STX16: variants seen among roughly 807,000 people sequenced by gnomAD.
STX16 encodes the protein syntaxin 16.
Under a neutral mutation model 42.7 loss-of-function variants are expected in STX16, and 28 were observed. That is an observed-to-expected ratio of 0.66 (90% CI 0.49 to 0.90). STX16 has a LOEUF of 0.90. STX16 is among the 40% of genes least tolerant of loss of function. STX16 has a pLI of 0.00. For synonymous variants in STX16, 156 were observed against 155.2 expected (o/e 1.00, Z -0.04); for missense variants, 361 against 420.9 (o/e 0.86, Z 1.24).
chr20:58,670,508 A>G lies in STX16; in HGVS notation c.557-4A>G. 6.2e-7 allele frequency: 1 copy of G among 1,612,268 alleles called. No individual in the cohort carries two copies. The highest frequency in any genetic ancestry group is 8.5e-7 in the Non-Finnish European group (1 of 1,178,330). ...CAAGTAAAATGAATTCCTATCTGTG[A>G]TAGGCATGAAGAATCGAGAGGAAAG... On this transcript the variant is annotated splice_polypyrimidine_tract_variant and splice_region_variant and intron_variant, in intron 5 of 8. Transcript: ENST00000371141.
At chr20:58,662,670 G>T (rs150887721) in intron 2 of STX16, among the ~76,000 whole-genome samples, 1 of 151,892 alleles carries the variant, frequency 6.6e-6, no homozygotes, top group African/African-American at 2.4e-5. Flanking sequence ...GCCACCATGC[G>T]TGGCTATTTT....
chr20:58,676,442 C>T lies in STX16; in HGVS notation c.*151C>T. Reference sequence around the variant, plus strand: ...CCTTTGCATCCACGGACTCCTCCTTCCCTAGTCCTGCTCAAGCGGTCCGGG... The same window carrying T: ...CCTTTGCATCCACGGACTCCTCCTTTCCTAGTCCTGCTCAAGCGGTCCGGG... On this transcript the variant is annotated 3_prime_UTR_variant, in exon 9 of 9. Coordinates refer to ENST00000371141, the MANE Select transcript of STX16 (RefSeq NM_001001433.3). The T allele has an allele frequency of 1.5e-6, 1 of 662,270 alleles. No homozygotes were observed. The highest frequency in any genetic ancestry group is 2.7e-6 in the Non-Finnish European group (1 of 371,980). The allele number at this position is 662,270 out of a possible 1,614,324, so 41.0% of individuals were successfully genotyped here.
At position 58,651,767 on chromosome 20, in the gene STX16, G is replaced by A. The variant is rs987357656; in HGVS notation, c.-240G>A. On this transcript the variant is annotated 5_prime_UTR_variant, in exon 1 of 9. Coordinates refer to ENST00000371141, the MANE Select transcript of STX16 (RefSeq NM_001001433.3). ...GATTGGGGGGATTCAAGTGCTTAGA[G>A]ATCGAAGTCTGCCCTGGGTAGGGGG... The A allele has an allele frequency of 8.5e-6, 4 of 470,076 alleles. No individual in the cohort carries two copies. Among genetic ancestry groups the A allele is most frequent in the Non-Finnish European group, 1.2e-5 (3 of 257,464 alleles). 29.1% of individuals were successfully genotyped at this position (470,076 alleles called of 1,614,324 possible). A position where few individuals can be genotyped will look rare whatever the true frequency, so the allele number is the denominator to read the frequency against.
chr20:58,672,255 C>T (rs2083997638), intron 7 of STX16, among the ~76,000 whole-genome samples: 1 of 152,034 alleles, frequency 6.6e-6, no homozygotes, highest in Non-Finnish European at 1.5e-5. Flanking sequence ...TCGCTTGAAC[C>T]TGGGAGGTAG....
In STX16 at chr20:58,651,898, G is replaced by A. The variant is rs2083464178; in HGVS notation, c.-109G>A. 7.8e-7 allele frequency: 1 copy of A among 1,275,094 alleles called. No individual in the cohort carries two copies. The highest frequency in any genetic ancestry group is 1.1e-6 in the Non-Finnish European group (1 of 901,740). 79.0% of individuals were successfully genotyped at this position (1,275,094 alleles called of 1,614,324 possible). A position where few individuals can be genotyped will look rare whatever the true frequency, so the allele number is the denominator to read the frequency against. On this transcript the variant is annotated 5_prime_UTR_variant, in exon 1 of 9. Transcript: ENST00000371141. ...GGCTTGAGGCCTGAGGCCTTGTCGA[G>A]AAGCTTCCGTGAAAGGGTGGGCCAG...
intron 1 of STX16, among the ~76,000 whole-genome samples, chr20:58,659,042 G>A (rs180692208): frequency 5.6e-4 from 85 of 152,212 alleles, no homozygotes; most frequent in African/African-American, 2.0e-3. Context: ...GGATGAAGCC[G>A]TGTCTGCGGG....
chr20:58,652,552 C>T (rs1200943495), intron 1 of STX16, among the ~76,000 whole-genome samples: 2 of 151,488 alleles, frequency 1.3e-5, no homozygotes, highest in African/African-American at 4.8e-5. Flanking sequence ...GCTGGGTCGC[C>T]GGATCGTAGA....
At position 58,678,154 on chromosome 20, in the gene STX16, C is replaced by A. The variant is rs141875151; in HGVS notation, c.*1863C>A. 9.3e-3 allele frequency: 1,411 copies of A among 152,338 alleles called. 8 individuals are homozygous for A. The highest frequency in any genetic ancestry group is 0.014 in the Non-Finnish European group (943 of 68,050). The allele number at this position is 152,338 out of a possible 1,614,324, so 9.4% of individuals were successfully genotyped here. On this transcript the variant is annotated 3_prime_UTR_variant, in exon 9 of 9. Coordinates refer to ENST00000371141, the MANE Select transcript of STX16 (RefSeq NM_001001433.3). ...GTGTGGGGCTGTCCACATTAGGGAACTTGCCTCAAAAACAGTCCACAGTGG... is the reference window on the plus strand; with the variant it reads ...GTGTGGGGCTGTCCACATTAGGGAAATTGCCTCAAAAACAGTCCACAGTGG...
At chr20:58,662,661 C>T (rs1221640942) in intron 2 of STX16, among the ~76,000 whole-genome samples, 1 of 152,100 alleles carries the variant, frequency 6.6e-6, no homozygotes, top group Non-Finnish European at 1.5e-5. Flanking sequence ...CAGGTGCGTG[C>T]CACCATGCGT....
Position 58,652,097 on chromosome 20 carries a change from C to CCT in STX16, c.91_92insCT (p.His31ProfsTer33). 6.2e-7 allele frequency: 1 copy of CCT among 1,614,190 alleles called. No homozygotes were observed. Among genetic ancestry groups the CCT allele is most frequent in the Non-Finnish European group, 8.5e-7 (1 of 1,180,036 alleles). ...GCTGTTAGCCGAGCAAGTGAGTAGT[C>CCT]ACATCACCTCCAGCCCTCTGCATTC... On this transcript the variant is annotated frameshift_variant, in exon 1 of 9. Transcript: ENST00000371141. LOFTEE classifies it high-confidence loss of function.
At chr20:58,666,028 T>G (rs1251146760) in intron 2 of STX16, among the ~76,000 whole-genome samples, 1 of 152,246 alleles carries the variant, frequency 6.6e-6, no homozygotes, top group Non-Finnish European at 1.5e-5. Context: ...TCTTTTATTC[T>G]AAGTTTTTCT....
At chr20:58,667,326 C>T (rs1471652185) in intron 2 of STX16, 164 bp from the exon 3 acceptor site, 1 of 708,276 alleles carries the variant, frequency 1.4e-6, no homozygotes, top group Non-Finnish European at 2.5e-6. Context: ...CAGGCAAGTG[C>T]ATTCACTCCT....
chr20:58,661,653 G>A (rs1490323153), intron 2 of STX16, among the ~76,000 whole-genome samples: 3 of 152,158 alleles, frequency 2.0e-5, no homozygotes, highest in East Asian at 1.9e-4. Flanking sequence ...CATTCCACTC[G>A]TTTCTTGTCG....
chr20:58,659,724 C>T lies in STX16; in HGVS notation c.144+90C>T, dbSNP rs372766624. 18 of 1,361,456 alleles carry T rather than the reference C, an allele frequency of 1.3e-5. 1 individual carries two copies. The African/African-American group carries it at 2.2e-4, about 16-fold the overall frequency. 84.3% of individuals were successfully genotyped at this position (1,361,456 alleles called of 1,614,324 possible). A position where few individuals can be genotyped will look rare whatever the true frequency, so the allele number is the denominator to read the frequency against. ...GAAGTCTTTGCTCATATATAAAATG[C>T]TAACAGCTTATACATATTTAGCATT... On this transcript the variant is annotated intron_variant, in intron 2 of 8. Transcript: ENST00000371141.
At chr20:58,674,607 C>T (rs1228157012) in intron 8 of STX16, among the ~76,000 whole-genome samples, 3 of 152,168 alleles carry the variant, frequency 2.0e-5, no homozygotes, top group Non-Finnish European at 4.4e-5. Context: ...TCAGCCCTTG[C>T]ACTAGTCTAA....
At position 58,676,388 on chromosome 20, in the gene STX16, G is replaced by C; in HGVS notation, c.*97G>C. The stretch of plus-strand genomic sequence containing the variant: ...CAGCTGCCCGCAGAGGTGCAGCCTC[G>C]AGGAATCTGAGGGCGTCGGGGCAGC... On this transcript the variant is annotated 3_prime_UTR_variant, in exon 9 of 9. Coordinates refer to ENST00000371141, the MANE Select transcript of STX16 (RefSeq NM_001001433.3). The C allele has an allele frequency of 9.4e-7, 1 of 1,065,674 alleles. No homozygotes were observed. 66.0% of individuals were successfully genotyped at this position (1,065,674 alleles called of 1,614,324 possible). A position where few individuals can be genotyped will look rare whatever the true frequency, so the allele number is the denominator to read the frequency against.
rs1315922496 is a variant in STX16 at position 58,677,348 on chromosome 20, T to A, written c.*1057T>A. ...TAAAATATTCCACCAGCGATTTGAT[T>A]TATTGGCTCTTCCATTGCCACTGAG... On this transcript the variant is annotated 3_prime_UTR_variant, in exon 9 of 9. Coordinates refer to ENST00000371141, the MANE Select transcript of STX16 (RefSeq NM_001001433.3). 6.6e-6 allele frequency: 1 copy of A among 152,626 alleles called. No individual in the cohort carries two copies. Among genetic ancestry groups the A allele is most frequent in the African/African-American group, 2.4e-5 (1 of 41,444 alleles). 9.5% of individuals were successfully genotyped at this position (152,626 alleles called of 1,614,324 possible).
At chr20:58,656,648 ATC>A (rs1204162336) in intron 1 of STX16, among the ~76,000 whole-genome samples, 2 of 152,170 alleles carry the variant, frequency 1.3e-5, no homozygotes, top group Non-Finnish European at 2.9e-5. Flanking sequence ...ATAATGCATA[ATC>A]TATAATTGGA....
At chr20:58,653,777 ATTGAAAAACATATTGTTTATTT>A in intron 1 of STX16, among the ~76,000 whole-genome samples, 1 of 152,164 alleles carries the variant, frequency 6.6e-6, no homozygotes, top group East Asian at 1.9e-4. Context: ...ATCAGTTTTA[ATTGAAAAACATATTGTTTATTT>A]TTCAATTTTT....
Sources: gnomAD v4.1 joint callset for allele counts (sites outside exome capture counted in the v4.1 genomes callset) on GRCh38, gnomAD v4.1.1 for gene constraint, MANE v1.5 for transcripts, NCBI Gene and HGNC (gene_info 2026-07-23, HGNC 2026-07-21) for gene names.